Variants in IPP observed in about 807,000 individuals in gnomAD.
The protein encoded by IPP is intracisternal A particle-promoted polypeptide.
Under a neutral mutation model 64.1 loss-of-function variants are expected in IPP, and 41 were observed. The observed-to-expected ratio is 0.64, with a 90% confidence interval of 0.50 to 0.83. The LOEUF is 0.83. Ranked by LOEUF, IPP falls within the 40% of genes least tolerant of loss-of-function variation. IPP has a pLI of 0.00. For missense variants in IPP, 649 were observed against 703.0 expected (o/e 0.92, Z 0.87); for synonymous variants, 214 against 235.2 (o/e 0.91, Z 0.83).
At position 45,698,750 on chromosome 1, in the gene IPP, A is replaced by ATGC. The variant is rs1024855052; in HGVS notation, c.*1213_*1215dup. ...TTTTTTTTTTTTGAGACAGGTTCTC[A>ATGC]TGCTGTCACCCAGGCCGGTGTGCAG... On this transcript the variant is annotated 3_prime_UTR_variant, in exon 9 of 9. Transcript: ENST00000396478. 123 of 759,886 alleles carry ATGC rather than the reference A, an allele frequency of 1.6e-4. No homozygotes were observed. In the Middle Eastern group the frequency reaches 6.8e-3, roughly 42 times the overall value. The allele number at this position is 759,886 out of a possible 1,614,324, so 47.1% of individuals were successfully genotyped here.
At chr1:45,719,427 A>G in intron 5 of IPP, 87 bp from the exon 6 acceptor site, 2 of 821,926 alleles carry the variant, frequency 2.4e-6, no homozygotes, top group East Asian at 2.8e-5. Context: ...AGTATTCCCT[A>G]TCGTCAAAAA....
intron 8 of IPP, among the ~76,000 whole-genome samples, chr1:45,711,796 CA>C (rs1238027507): frequency 6.6e-6 from 1 of 150,740 alleles, no homozygotes; most frequent in African/African-American, 2.4e-5. Context: ...AGAATATTAC[CA>C]GAGATAAAAA....
chr1:45,730,668 CTGT>C (rs1285363374), intron 3 of IPP, among the ~76,000 whole-genome samples: 100 of 136,974 alleles, frequency 7.3e-4, no homozygotes, highest in African/African-American at 3.5e-3. Context: ...GTTGTAAGAC[CTGT>C]TCTCCCTGAA....
At position 45,714,400 on chromosome 1, in the gene IPP, T is replaced by C. The variant is rs562648318; in HGVS notation, c.1376A>G (p.Asp459Gly). 5.6e-6 allele frequency: 9 copies of C among 1,614,088 alleles called. No homozygotes were observed. The African/African-American group carries it at 8.0e-5, about 14-fold the overall frequency. Residue 459 changes from aspartate (D) to glycine (G), a missense_variant, in exon 8 of 9, where the codon GAT (aspartate) becomes GGT (glycine). Coordinates refer to ENST00000396478, the MANE Select transcript of IPP (RefSeq NM_005897.3). Reference protein sequence around the residue: ...GIELRSFEVYDPLSKRWSPLP... With the variant: ...GIELRSFEVYGPLSKRWSPLP... ...TGGAGACCAACGCTTAGAAAGTGGATCATAGACTTCAAAAGAACGAAGTTC... is the reference window on the plus strand; with the variant it reads ...TGGAGACCAACGCTTAGAAAGTGGACCATAGACTTCAAAAGAACGAAGTTC...
Position 45,746,257 on chromosome 1 carries a change from C to G in IPP, c.155G>C (p.Arg52Pro), listed in dbSNP as rs377577167. The change falls in exon 2 of 9, where the codon CGG becomes CCG. Residue 52 changes from arginine (R) to proline (P), a missense_variant. By Grantham distance (103) the Arg-to-Pro change is moderately radical. Transcript: ENST00000396478. ...AGGACTGCTGGCAGCCAAAACCAGC[C>G]GATGAGCTTTAAAACTTTCCTGTCC... The part of the protein sequence containing the change: ...QVGQESFKAH[R>P]LVLAASSPYF... 1 of 1,614,050 alleles carries G rather than the reference C, an allele frequency of 6.2e-7. No individual in the cohort carries two copies. Among genetic ancestry groups the G allele is most frequent in the Non-Finnish European group, 8.5e-7 (1 of 1,180,038 alleles).
chr1:45,722,017 C>T (rs577014273), intron 5 of IPP, among the ~76,000 whole-genome samples: 1 of 152,092 alleles, frequency 6.6e-6, no homozygotes, highest in Admixed American at 6.6e-5. Flanking sequence ...TGCAGTGAGC[C>T]GAGATCACGC....
chr1:45,725,889 A>G (rs575605129), intron 5 of IPP, among the ~76,000 whole-genome samples: 3,286 of 136,808 alleles, frequency 0.024, 107 homozygotes, highest in African/African-American at 0.086. Context: ...GCTTGAAGGC[A>G]GCATGCTCGT....
chr1:45,700,202 A>G lies in IPP; in HGVS notation c.1531-12T>C. ...TCAACCCACTTTTCCTGGTTAAGAGAGAAAAAAAAAATATGTTAGCAGTGT... is the reference window on the plus strand; with the variant it reads ...TCAACCCACTTTTCCTGGTTAAGAGGGAAAAAAAAAATATGTTAGCAGTGT... On this transcript the variant is annotated splice_polypyrimidine_tract_variant and intron_variant, in intron 8 of 8. Transcript: ENST00000396478. The G allele has an allele frequency of 6.3e-7, 1 of 1,577,978 alleles. No individual in the cohort carries two copies. The highest frequency in any genetic ancestry group is 8.6e-7 in the Non-Finnish European group (1 of 1,164,714).
At chr1:45,705,086 A>C (rs28623463) in intron 8 of IPP, among the ~76,000 whole-genome samples, 43,058 of 152,196 alleles carry the variant, frequency 0.28, 6,225 homozygotes, top group South Asian at 0.36. Context: ...TAACACTGCC[A>C]CCTCAATAAG....
At chr1:45,698,452 GAGA>G (rs1433106451), downstream of IPP, among the ~76,000 whole-genome samples, 3 of 152,158 alleles carry the variant, frequency 2.0e-5, no homozygotes, top group Non-Finnish European at 4.4e-5. Flanking sequence ...GGGAGAAAAT[GAGA>G]AGTTTTGAGA....
downstream of IPP, among the ~76,000 whole-genome samples, chr1:45,695,158 GTT>G (rs1216071947): frequency 2.6e-5 from 4 of 150,958 alleles, no homozygotes; most frequent in African/African-American, 9.8e-5. Flanking sequence ...GCTTTGGTGT[GTT>G]TTTGTTTTTG....
intron 2 of IPP, among the ~76,000 whole-genome samples, chr1:45,745,754 A>G (rs1433532184): frequency 6.6e-6 from 1 of 151,630 alleles, no homozygotes; most frequent in East Asian, 1.9e-4. Flanking sequence ...TGTCCCAGCT[A>G]CTCAGGAGGC....
chr1:45,714,183 C>A, intron 8 of IPP, 63 bp downstream of exon 8: 1 of 1,209,692 alleles, frequency 8.3e-7, no homozygotes. Context: ...AGTGCATCAC[C>A]ACAGATCTTA....
chr1:45,742,923 TTTTTTTTA>T (rs60274537), intron 2 of IPP, among the ~76,000 whole-genome samples: 8,267 of 151,546 alleles, frequency 0.055, 731 homozygotes, highest in African/African-American at 0.19. Flanking sequence ...CTTCACTTTC[TTTTTTTTA>T]TTTTTTTATT....
intron 8 of IPP, among the ~76,000 whole-genome samples, chr1:45,700,796 G>A (rs1440495787): frequency 6.6e-6 from 1 of 152,072 alleles, no homozygotes; most frequent in Non-Finnish European, 1.5e-5. Flanking sequence ...AATACAAGTA[G>A]GTAATACACT....
chr1:45,733,297 C>T (rs1205016732), intron 3 of IPP, among the ~76,000 whole-genome samples: 4 of 151,508 alleles, frequency 2.6e-5, no homozygotes, highest in South Asian at 2.1e-4. Context: ...TAGTGGTGCA[C>T]GCCTGTAGTC....
intron 4 of IPP, among the ~76,000 whole-genome samples, chr1:45,728,790 T>C (rs993726345): frequency 1.3e-5 from 2 of 151,772 alleles, no homozygotes; most frequent in African/African-American, 4.8e-5. Flanking sequence ...AGCCACCACA[T>C]CCAGATGTAA....
At chr1:45,714,116 T>C (rs1645626543) in intron 8 of IPP, 130 bp downstream of exon 8, 2 of 614,126 alleles carry the variant, frequency 3.3e-6, no homozygotes, top group South Asian at 2.4e-5. Context: ...AGTTTCTTCT[T>C]TGGAAAGAAA....
intron 3 of IPP, among the ~76,000 whole-genome samples, chr1:45,739,117 T>G (rs1432653931): frequency 6.6e-6 from 1 of 152,192 alleles, no homozygotes; most frequent in Admixed American, 6.5e-5. Context: ...GGAGAAAAAC[T>G]AATAACTCAT....
Sources: allele counts gnomAD v4.1 joint callset (sites outside exome capture counted in the v4.1 genomes callset), GRCh38; gene constraint gnomAD v4.1.1; transcripts MANE v1.5; gene names NCBI Gene and HGNC (gene_info 2026-07-23, HGNC 2026-07-21).